The following ATP9A variants were observed in gnomAD, a reference collection of about 807,000 sequenced individuals.
ATP9A encodes the protein probable phospholipid-transporting ATPase IIA.
Under a neutral mutation model 144.1 loss-of-function variants are expected in ATP9A, and 52 were observed. The ratio of observed to expected loss-of-function variants is 0.36; its 90% CI spans 0.29 to 0.45. The LOEUF is 0.45. ATP9A is among the 20% of genes least tolerant of loss of function. The probability of loss-of-function intolerance (pLI) is 1.00; values close to 1 mark genes in which losing one functional copy is unlikely to be tolerated. For missense variants in ATP9A, 947 were observed against 1,392.7 expected, an observed-to-expected ratio of 0.68 and a Z score of 5.09; for synonymous variants, 582 against 557.4, an observed-to-expected ratio of 1.04 and a Z score of -0.62.
chr20:51,606,811 G>A lies in ATP9A; in HGVS notation c.2803+716C>T, dbSNP rs1024550742. On this transcript the variant is annotated intron_variant, in intron 26 of 27. Transcript: ENST00000338821. ...GGGATCACCTGAGCCTGGGGAGGTCGAGGCTACGGCGAGCCGTGATTGCTC... is the reference window on the plus strand; with the variant it reads ...GGGATCACCTGAGCCTGGGGAGGTCAAGGCTACGGCGAGCCGTGATTGCTC... 3.3e-5 allele frequency among the ~76,000 whole-genome samples: 5 copies of A among 152,120 alleles called. No homozygotes were observed. In the South Asian group the frequency reaches 6.2e-4, roughly 19 times the overall value.
intron 4 of ATP9A, among the ~76,000 whole-genome samples, chr20:51,698,579 A>T (rs1296557940): frequency 6.6e-6 from 1 of 152,210 alleles, no homozygotes; most frequent in Non-Finnish European, 1.5e-5. Flanking sequence ...GGCTGGGGAT[A>T]CGTGAAACTC....
chr20:51,674,922 C>A (rs915322049), intron 10 of ATP9A, among the ~76,000 whole-genome samples: 1 of 152,172 alleles, frequency 6.6e-6, no homozygotes, highest in Non-Finnish European at 1.5e-5. Flanking sequence ...AAGCGATTCT[C>A]CTACCTCAGC....
At chr20:51,651,834 C>T (rs2077367988) in intron 14 of ATP9A, among the ~76,000 whole-genome samples, 1 of 151,946 alleles carries the variant, frequency 6.6e-6, no homozygotes, top group Admixed American at 6.6e-5. Flanking sequence ...GAGGCTGAGG[C>T]AGAAGAATGG....
At chr20:51,605,151 A>G in intron 26 of ATP9A, 131 bp from the exon 27 acceptor site, 1 of 731,608 alleles carries the variant, frequency 1.4e-6, no homozygotes, top group Non-Finnish European at 2.1e-6. Context: ...GAGGTTAATG[A>G]CTGGTGCTTT....
chr20:51,725,109 TG>T (rs1601129128), intron 3 of ATP9A, among the ~76,000 whole-genome samples: 2 of 149,994 alleles, frequency 1.3e-5, no homozygotes, highest in African/African-American at 2.5e-5. Context: ...TTTATTTATT[TG>T]GAATTTTTTT....
chr20:51,737,789 A>G (rs2077768467), intron 1 of ATP9A, among the ~76,000 whole-genome samples: 1 of 152,178 alleles, frequency 6.6e-6, no homozygotes, highest in South Asian at 2.1e-4. Context: ...TTGAACTTGT[A>G]TGCTTCAAGG....
At chr20:51,751,938 T>A (rs1157262157) in intron 1 of ATP9A, among the ~76,000 whole-genome samples, 1 of 152,148 alleles carries the variant, frequency 6.6e-6, no homozygotes, top group Non-Finnish European at 1.5e-5. Context: ...CAGTATTTAC[T>A]GAGCACCTAC....
intron 1 of ATP9A, among the ~76,000 whole-genome samples, chr20:51,754,960 A>T (rs2077849524): frequency 6.6e-6 from 1 of 151,500 alleles, no homozygotes; most frequent in Non-Finnish European, 1.5e-5. Flanking sequence ...AAAAAAAAAA[A>T]TACAAAAATT....
At chr20:51,720,720 G>A (rs2077685100) in intron 3 of ATP9A, among the ~76,000 whole-genome samples, 1 of 152,154 alleles carries the variant, frequency 6.6e-6, no homozygotes, top group Non-Finnish European at 1.5e-5. Flanking sequence ...TGTAATCCCA[G>A]TTACTGAGGA....
In ATP9A at chr20:51,599,578, A is replaced by G. The variant is rs1382658445; in HGVS notation, c.*1633T>C. On this transcript the variant is annotated 3_prime_UTR_variant, in exon 28 of 28. Coordinates refer to ENST00000338821, the MANE Select transcript of ATP9A (RefSeq NM_006045.3). The stretch of plus-strand genomic sequence containing the variant: ...AAAATAGATGTGGTGTCAACAGCCA[A>G]TTAACCAGTACCTGCAACGTAAAGT... The G allele has an allele frequency of 6.6e-6, 1 of 152,244 alleles. No individual in the cohort carries two copies. The highest frequency in any genetic ancestry group is 1.5e-5 in the Non-Finnish European group (1 of 68,048). 9.4% of individuals were successfully genotyped at this position (152,244 alleles called of 1,614,324 possible). A position where few individuals can be genotyped will look rare whatever the true frequency, so the allele number is the denominator to read the frequency against.
chr20:51,694,561 T>C (rs185417807), intron 6 of ATP9A, among the ~76,000 whole-genome samples: 8 of 152,244 alleles, frequency 5.3e-5, no homozygotes, highest in Non-Finnish European at 1.0e-4. Context: ...GCCTATCCTC[T>C]CTGAGCCTCA....
chr20:51,634,852 T>C (rs1355195078), intron 15 of ATP9A, among the ~76,000 whole-genome samples: 1 of 15,482 alleles, frequency 6.5e-5, no homozygotes, highest in East Asian at 2.7e-3. Flanking sequence ...CAAAACTCCA[T>C]CTCAAAAAAA....
intron 19 of ATP9A, among the ~76,000 whole-genome samples, chr20:51,620,572 A>C (rs1194234189): frequency 6.6e-6 from 1 of 152,056 alleles, no homozygotes; most frequent in African/African-American, 2.4e-5. Flanking sequence ...AAGCTCATCT[A>C]ACACACGCAT....
In ATP9A at chr20:51,618,608, G is replaced by A. The variant is rs1433088369; in HGVS notation, c.2350+54C>T. 1.9e-6 allele frequency: 3 copies of A among 1,558,324 alleles called. No individual in the cohort carries two copies. The East Asian group carries it at 6.8e-5, about 35-fold the overall frequency. On this transcript the variant is annotated intron_variant, in intron 21 of 27. Coordinates refer to ENST00000338821, the MANE Select transcript of ATP9A (RefSeq NM_006045.3). ...GTGTCCAAATATCCTTAGGGAAAGG[G>A]AGCCTGGTGCACCGGCAGGCCAGGG...
chr20:51,745,382 C>T (rs2122894963), intron 1 of ATP9A, among the ~76,000 whole-genome samples: 1 of 151,316 alleles, frequency 6.6e-6, no homozygotes, highest in South Asian at 2.1e-4. Context: ...TTATAGTGAG[C>T]CAATATTCTG....
At chr20:51,673,642 T>C (rs1168807562) in intron 11 of ATP9A, among the ~76,000 whole-genome samples, 2 of 152,186 alleles carry the variant, frequency 1.3e-5, no homozygotes, top group African/African-American at 2.4e-5. Context: ...GAAAGATCTC[T>C]GATTCAAGAA....
intron 15 of ATP9A, among the ~76,000 whole-genome samples, chr20:51,630,216 G>A (rs1017027614): frequency 6.6e-6 from 1 of 152,236 alleles, no homozygotes; most frequent in African/African-American, 2.4e-5. Context: ...TCTGAGGAAT[G>A]ACGGCGCAGC....
intron 1 of ATP9A, among the ~76,000 whole-genome samples, chr20:51,743,741 C>G (rs62226755): frequency 1 from 147,874 of 147,876 alleles, 73,936 homozygotes; most frequent in Middle Eastern, 1. Flanking sequence ...CGGGCACGGT[C>G]GTCACGCCTA....
At chr20:51,716,071 G>T (rs1446851482) in intron 3 of ATP9A, among the ~76,000 whole-genome samples, 1 of 152,116 alleles carries the variant, frequency 6.6e-6, no homozygotes, top group Non-Finnish European at 1.5e-5. Flanking sequence ...AACTTCCTGG[G>T]GTGATGGAAA....
Sources: allele counts gnomAD v4.1 joint callset (sites outside exome capture counted in the v4.1 genomes callset), GRCh38; gene constraint gnomAD v4.1.1; transcripts MANE v1.5; gene names NCBI Gene and HGNC (gene_info 2026-07-23, HGNC 2026-07-21).